RNF11: variants seen among roughly 807,000 people sequenced by gnomAD.
RNF11 encodes the protein ring finger protein 11.
In RNF11, 4 loss-of-function variants were observed where a neutral mutation model predicts 15.8. That is an observed-to-expected ratio of 0.25 (90% CI 0.12 to 0.58). RNF11 has a LOEUF of 0.58. Ranked by LOEUF, RNF11 falls within the 20% of genes least tolerant of loss-of-function variation. The probability of loss-of-function intolerance (pLI) is 0.91; values close to 1 mark genes in which losing one functional copy is unlikely to be tolerated. For synonymous variants in RNF11, 68 were observed against 72.3 expected, an observed-to-expected ratio of 0.94 and a Z score of 0.30; for missense variants, 139 against 194.4, an observed-to-expected ratio of 0.71 and a Z score of 1.70.
At chr1:51,268,830 A>G (rs1189496353) in intron 1 of RNF11, among the ~76,000 whole-genome samples, 1 of 152,196 alleles carries the variant, frequency 6.6e-6, no homozygotes, top group Non-Finnish European at 1.5e-5. Flanking sequence ...GTAGTATTCA[A>G]AGAGAAGCCA....
At chr1:51,242,139 G>C (rs1402630320) in intron 1 of RNF11, among the ~76,000 whole-genome samples, 1 of 152,128 alleles carries the variant, frequency 6.6e-6, no homozygotes, top group African/African-American at 2.4e-5. Flanking sequence ...AGCATTGAAT[G>C]CAAGTATAGC....
chr1:51,272,081 C>G lies in RNF11; in HGVS notation c.*759C>G, dbSNP rs545834885. ...TATTAAGGTGGGGTTTAATATTACC[C>G]TTTCCTATGTGTTTTATCTAATTAT... On this transcript the variant is annotated 3_prime_UTR_variant, in exon 3 of 3. Transcript: ENST00000242719. 37 of 152,602 alleles carry G rather than the reference C, an allele frequency of 2.4e-4. No individual in the cohort carries two copies. The highest frequency in any genetic ancestry group is 8.9e-4 in the African/African-American group (37 of 41,512). The allele number at this position is 152,602 out of a possible 1,614,324, so 9.5% of individuals were successfully genotyped here.
intron 1 of RNF11, among the ~76,000 whole-genome samples, chr1:51,259,904 T>G (rs1646922689): frequency 6.6e-6 from 1 of 152,240 alleles, no homozygotes. Context: ...CGCATTCTCT[T>G]TGTGCTTTTA....
intron 1 of RNF11, among the ~76,000 whole-genome samples, chr1:51,240,511 C>T (rs554618423): frequency 6.6e-6 from 1 of 152,242 alleles, no homozygotes; most frequent in African/African-American, 2.4e-5. Context: ...TGTCTATTAC[C>T]TGTCTTCTCC....
At chr1:51,239,591 C>T (rs1250892370) in intron 1 of RNF11, among the ~76,000 whole-genome samples, 1 of 152,120 alleles carries the variant, frequency 6.6e-6, no homozygotes, top group Non-Finnish European at 1.5e-5. Flanking sequence ...TTGAGAATCT[C>T]CCTCTGTCAT....
In RNF11 at chr1:51,257,486, G is replaced by A. The variant is rs114894361; in HGVS notation, c.124-12470G>A. 1.0e-3 allele frequency among the ~76,000 whole-genome samples: 152 copies of A among 151,896 alleles called. 1 individual carries two copies. Among genetic ancestry groups the A allele is most frequent in the African/African-American group, 3.6e-3 (149 of 41,408 alleles). On this transcript the variant is annotated intron_variant, in intron 1 of 2. Coordinates refer to ENST00000242719, the MANE Select transcript of RNF11 (RefSeq NM_014372.5). The stretch of plus-strand genomic sequence containing the variant: ...GTTTTTTTGTTTTGGAGATAGTCTT[G>A]CTCTGCGGACCAGAATGGAATACAA...
chr1:51,258,447 A>G lies in RNF11; in HGVS notation c.124-11509A>G, dbSNP rs1186373444. 1.3e-5 allele frequency among the ~76,000 whole-genome samples: 2 copies of G among 152,212 alleles called. 1 individual carries two copies. Among genetic ancestry groups the G allele is most frequent in the Non-Finnish European group, 2.9e-5 (2 of 68,030 alleles). ...CTAGATTTGGCTCAAAGGCAGTCACAGGAGCCTCTAGGAGTTCATTTCCAG... is the reference window on the plus strand; with the variant it reads ...CTAGATTTGGCTCAAAGGCAGTCACGGGAGCCTCTAGGAGTTCATTTCCAG... On this transcript the variant is annotated intron_variant, in intron 1 of 2. Transcript: ENST00000242719.
At chr1:51,239,271 C>G (rs1001509149) in intron 1 of RNF11, among the ~76,000 whole-genome samples, 25 of 151,976 alleles carry the variant, frequency 1.6e-4, no homozygotes, top group African/African-American at 5.8e-4. Context: ...TTTGCCTTTT[C>G]CAGAAGAACT....
chr1:51,263,750 G>A (rs1296391375), intron 1 of RNF11, among the ~76,000 whole-genome samples: 1 of 152,108 alleles, frequency 6.6e-6, no homozygotes, highest in Non-Finnish European at 1.5e-5. Flanking sequence ...GGAGTTTGGG[G>A]GAGTGACTGT....
intron 1 of RNF11, among the ~76,000 whole-genome samples, chr1:51,252,902 C>T (rs376064352): frequency 1.2e-4 from 18 of 151,560 alleles, no homozygotes; most frequent in African/African-American, 3.9e-4. Flanking sequence ...TCTTGGCTCA[C>T]TGCAACCTCC....
chr1:51,238,824 G>C (rs1384979773), intron 1 of RNF11, among the ~76,000 whole-genome samples: 1 of 152,054 alleles, frequency 6.6e-6, no homozygotes, highest in Non-Finnish European at 1.5e-5. Flanking sequence ...CCACCTCCCG[G>C]GTTCTAGCGA....
At chr1:51,252,755 G>A (rs987179483) in intron 1 of RNF11, among the ~76,000 whole-genome samples, 3 of 151,874 alleles carry the variant, frequency 2.0e-5, no homozygotes, top group African/African-American at 4.8e-5. Flanking sequence ...ACCTTTTCAA[G>A]TGCTTTTTGG....
chr1:51,266,701 T>C (rs1009323379), intron 1 of RNF11, among the ~76,000 whole-genome samples: 4 of 152,144 alleles, frequency 2.6e-5, no homozygotes, highest in Non-Finnish European at 5.9e-5. Context: ...GAGCTCAAGC[T>C]ATCCGCCTGT....
intron 1 of RNF11, among the ~76,000 whole-genome samples, chr1:51,240,759 T>G (rs1373693623): frequency 1.3e-5 from 2 of 152,194 alleles, no homozygotes; most frequent in Admixed American, 6.6e-5. Context: ...TTGTTTGTTT[T>G]TTTGTTTTGT....
intron 1 of RNF11, among the ~76,000 whole-genome samples, chr1:51,237,652 T>C (rs1646811178): frequency 6.6e-6 from 1 of 152,172 alleles, no homozygotes; most frequent in South Asian, 2.1e-4. Flanking sequence ...CTGCTTTTTG[T>C]ACAATAATCA....
chr1:51,271,127 A>G (rs556042817), intron 2 of RNF11, 24 bp from the exon 3 acceptor site: 1 of 1,601,816 alleles, frequency 6.2e-7, no homozygotes, highest in African/African-American at 1.3e-5. Context: ...ATGCCTTCTG[A>G]TTTCTCTCCA....
chr1:51,267,577 G>A (rs1413371531), intron 1 of RNF11, among the ~76,000 whole-genome samples: 1 of 152,224 alleles, frequency 6.6e-6, no homozygotes. Flanking sequence ...TTCTGCCAGA[G>A]AAGCTCATTT....
chr1:51,237,438 ATGTGTATATATATATATATATATATG>A (rs945979835), intron 1 of RNF11, among the ~76,000 whole-genome samples: 2 of 119,104 alleles, frequency 1.7e-5, no homozygotes, highest in East Asian at 2.3e-4. Context: ...ATATATATAT[ATGTGTATATATATATATATATATATG>A]TATATAAATT....
chr1:51,270,062 T>C lies in RNF11; in HGVS notation c.230T>C (p.Ile77Thr), dbSNP rs752144738. 9.3e-6 allele frequency: 15 copies of C among 1,613,726 alleles called. No homozygotes were observed. The highest frequency in any genetic ancestry group is 6.6e-5 in the South Asian group (6 of 91,060). The part of the protein sequence containing the change: ...QIRIAQRIGL[I>T]QHLPKGVYDP... ...AGGATAGCTCAAAGAATAGGTCTTA[T>C]ACAACATCTGCCTAAAGGAGTTTAT... is the stretch of plus-strand genomic sequence containing the variant. Residue 77 changes from isoleucine to threonine, a missense_variant, in exon 2 of 3, where the codon ATA becomes ACA. By Grantham distance (89) the Ile-to-Thr change is moderately conservative. Transcript: ENST00000242719.
Sources: allele counts gnomAD v4.1 joint callset (sites outside exome capture counted in the v4.1 genomes callset), GRCh38; gene constraint gnomAD v4.1.1; transcripts MANE v1.5; gene names NCBI Gene and HGNC (gene_info 2026-07-23, HGNC 2026-07-21).